Variants in CCSER1 observed in about 807,000 individuals in gnomAD.
CCSER1 encodes coiled-coil serine rich protein 1.
A neutral mutation model predicts 82.0 loss-of-function variants in CCSER1; 41 were observed. The ratio of observed to expected loss-of-function variants is 0.50; its 90% confidence interval spans 0.39 to 0.65. The LOEUF (loss-of-function observed/expected upper bound fraction) is 0.65, where lower values mean the gene tolerates loss of function less well. CCSER1 is among the 30% of genes least tolerant of loss of function. CCSER1 has a pLI of 0.00. For synonymous variants in CCSER1, 414 were observed against 383.9 expected, an observed-to-expected ratio of 1.08 and a Z score of -0.92; for missense variants, 1,119 against 1,064.2, an observed-to-expected ratio of 1.05 and a Z score of -0.72.
At chr4:91,125,487 GATTA>G (rs1185683395) in intron 10 of CCSER1, among the ~76,000 whole-genome samples, 1 of 151,692 alleles carries the variant, frequency 6.6e-6, no homozygotes, top group Non-Finnish European at 1.5e-5. Context: ...TTATAAGGCA[GATTA>G]ATTAAGATGT....
At chr4:90,954,078 T>G (rs1733188345) in intron 9 of CCSER1, among the ~76,000 whole-genome samples, 1 of 151,966 alleles carries the variant, frequency 6.6e-6, no homozygotes, top group African/African-American at 2.4e-5. Flanking sequence ...ATACTTTCAT[T>G]TAAGAAACTA....
chr4:90,293,937 T>C (rs1253052195), intron 1 of CCSER1, among the ~76,000 whole-genome samples: 1 of 152,012 alleles, frequency 6.6e-6, no homozygotes, highest in Non-Finnish European at 1.5e-5. Flanking sequence ...CAAAAATCTA[T>C]TGTGGTTTAT....
intron 1 of CCSER1, among the ~76,000 whole-genome samples, chr4:90,259,606 G>A (rs1723950832): frequency 6.6e-6 from 1 of 152,056 alleles, no homozygotes; most frequent in African/African-American, 2.4e-5. Context: ...GTCATATATG[G>A]CTTTTATTAC....
intron 9 of CCSER1, among the ~76,000 whole-genome samples, chr4:90,932,578 C>A (rs1381208562): frequency 5.3e-5 from 8 of 152,028 alleles, no homozygotes; most frequent in South Asian, 2.1e-4. Context: ...CCTTTAATTG[C>A]AGCACTTTGG....
intron 6 of CCSER1, among the ~76,000 whole-genome samples, chr4:90,669,787 T>C (rs1579843019): frequency 1.3e-5 from 2 of 152,106 alleles, no homozygotes; most frequent in East Asian, 3.9e-4. Flanking sequence ...TTATATTAAG[T>C]ATTAATACTC....
intron 9 of CCSER1, among the ~76,000 whole-genome samples, chr4:90,941,815 C>T (rs1731618261): frequency 6.6e-6 from 1 of 152,138 alleles, no homozygotes; most frequent in African/African-American, 2.4e-5. Flanking sequence ...TTACTTGAAA[C>T]AAGTCTACAT....
intron 7 of CCSER1, among the ~76,000 whole-genome samples, chr4:90,740,636 A>G (rs1366831357): frequency 5.3e-5 from 8 of 152,198 alleles, no homozygotes; most frequent in Non-Finnish European, 1.0e-4. Context: ...GAACTTGTCA[A>G]CATTAATACA....
intron 3 of CCSER1, among the ~76,000 whole-genome samples, chr4:90,366,842 G>A (rs747394267): frequency 2.0e-5 from 3 of 151,816 alleles, no homozygotes; most frequent in Non-Finnish European, 1.5e-5. Flanking sequence ...TGTAGAGTAG[G>A]AGTCTTTTGT....
Position 90,308,891 on chromosome 4 carries a change from T to A in CCSER1, c.607T>A (p.Leu203Met). The A allele has an allele frequency of 6.2e-7, 1 of 1,613,904 alleles. No individual in the cohort carries two copies. Among genetic ancestry groups the A allele is most frequent in the Non-Finnish European group, 8.5e-7 (1 of 1,179,846 alleles). ...AGTTCTACAGAGCCAATCCATTTCATTGGTACAACAGTCTGAATTCTCATT... is the reference window on the plus strand; with the variant it reads ...AGTTCTACAGAGCCAATCCATTTCAATGGTACAACAGTCTGAATTCTCATT... ...KPVLQSQSIS[L>M]VQQSEFSLEV... Residue 203 changes from leucine to methionine, a missense_variant, in exon 2 of 11, where the codon TTG becomes ATG. Leu to Met is a conservative substitution (Grantham distance 15). Coordinates refer to ENST00000509176, the MANE Select transcript of CCSER1 (RefSeq NM_001145065.2).
chr4:91,139,776 A>G (rs1728851054), intron 10 of CCSER1, among the ~76,000 whole-genome samples: 1 of 152,202 alleles, frequency 6.6e-6, no homozygotes. Flanking sequence ...TTTGTAATCA[A>G]CAAAAAGAAC....
chr4:91,192,669 A>T (rs1735100325), intron 10 of CCSER1, among the ~76,000 whole-genome samples: 1 of 151,858 alleles, frequency 6.6e-6, no homozygotes, highest in Non-Finnish European at 1.5e-5. Flanking sequence ...TTATATTTGG[A>T]TTGCTTCTGT....
intron 3 of CCSER1, among the ~76,000 whole-genome samples, chr4:90,390,122 A>T (rs1301102669): frequency 2.0e-5 from 3 of 152,212 alleles, no homozygotes; most frequent in African/African-American, 7.2e-5. Flanking sequence ...AGAAGGCAGT[A>T]TGTTTGGCTA....
intron 7 of CCSER1, among the ~76,000 whole-genome samples, chr4:90,805,602 G>T (rs1189767502): frequency 4.6e-5 from 7 of 152,086 alleles, no homozygotes; most frequent in Non-Finnish European, 1.0e-4. Context: ...TTTTCAATAG[G>T]AATACTAGCA....
At chr4:91,321,655 T>G (rs1002624738) in intron 10 of CCSER1, among the ~76,000 whole-genome samples, 1 of 152,104 alleles carries the variant, frequency 6.6e-6, no homozygotes, top group Non-Finnish European at 1.5e-5. Flanking sequence ...CTTAAGGTTT[T>G]TTATTTTTAA....
In CCSER1 at chr4:91,107,164, C is replaced by T. The variant is rs76487105; in HGVS notation, c.2217+21170C>T. Among the ~76,000 whole-genome samples, 713 of 152,256 alleles carry T rather than the reference C, an allele frequency of 4.7e-3. 8 individuals are homozygous for T. The highest frequency in any genetic ancestry group is 0.016 in the African/African-American group (660 of 41,522). ...GTAGCCTGAGAACAATAGGCTATACCGCATAGCCTAGGTGTATAGTAGCCT... is the reference window on the plus strand; with the variant it reads ...GTAGCCTGAGAACAATAGGCTATACTGCATAGCCTAGGTGTATAGTAGCCT... On this transcript the variant is annotated intron_variant, in intron 10 of 10. Coordinates refer to ENST00000509176, the MANE Select transcript of CCSER1 (RefSeq NM_001145065.2).
intron 10 of CCSER1, among the ~76,000 whole-genome samples, chr4:91,388,538 C>T (rs891680306): frequency 1.6e-4 from 24 of 152,000 alleles, no homozygotes; most frequent in African/African-American, 5.1e-4. Context: ...TTGAGGGTTC[C>T]TATTGTTCCA....
At chr4:91,115,289 T>C (rs1400452556) in intron 10 of CCSER1, among the ~76,000 whole-genome samples, 1 of 152,210 alleles carries the variant, frequency 6.6e-6, no homozygotes, top group African/African-American at 2.4e-5. Context: ...CAGTTTGTAC[T>C]CCTGTCTTAT....
chr4:91,394,341 A>G (rs1011719494), intron 10 of CCSER1, among the ~76,000 whole-genome samples: 2 of 152,130 alleles, frequency 1.3e-5, no homozygotes, highest in African/African-American at 2.4e-5. Flanking sequence ...CAATATCATC[A>G]TTAGAATAAG....
At chr4:90,479,384 T>A (rs1765562114) in intron 5 of CCSER1, among the ~76,000 whole-genome samples, 1 of 152,200 alleles carries the variant, frequency 6.6e-6, no homozygotes, top group South Asian at 2.1e-4. Context: ...CTATTTCTTT[T>A]TCGTCTTTTT....
Sources: allele counts gnomAD v4.1 joint callset (sites outside exome capture counted in the v4.1 genomes callset), GRCh38; gene constraint gnomAD v4.1.1; transcripts MANE v1.5; gene names NCBI Gene and HGNC (gene_info 2026-07-23, HGNC 2026-07-21).